Variants in CEP131 observed in about 807,000 individuals in gnomAD.
CEP131 encodes the protein centrosomal protein of 131 kDa.
A neutral mutation model predicts 136.8 loss-of-function variants in CEP131; 99 were observed. The observed-to-expected ratio is 0.72, with a 90% CI of 0.62 to 0.86. CEP131 has a LOEUF of 0.86. CEP131 is among the 40% of genes least tolerant of loss of function. The probability of loss-of-function intolerance (pLI) is 0.00; values close to 1 mark genes in which losing one functional copy is unlikely to be tolerated. For synonymous variants in CEP131, 646 were observed against 612.7 expected (o/e 1.05, Z -0.80); for missense variants, 1,459 against 1,463.0 (o/e 1.00, Z 0.04).
At chr17:81,213,553 T>C (rs895250624) in intron 2 of CEP131, among the ~76,000 whole-genome samples, 1 of 132,588 alleles carries the variant, frequency 7.5e-6, no homozygotes, top group Non-Finnish European at 1.6e-5. Flanking sequence ...CGTGAGACAC[T>C]GTCTCAAAAA....
At chr17:81,207,000 A>T (rs1248694011) in intron 4 of CEP131, 125 bp downstream of exon 4, 16 of 1,519,916 alleles carry the variant, frequency 1.1e-5, no homozygotes, top group Non-Finnish European at 1.4e-5. Flanking sequence ...GGGGTCTGCC[A>T]TGTCAGATCT....
chr17:81,190,697 C>T lies in CEP131; in HGVS notation c.3049G>A (p.Ala1017Thr), dbSNP rs763456299. 1.9e-6 allele frequency: 3 copies of T among 1,606,594 alleles called. No homozygotes were observed. The highest frequency in any genetic ancestry group is 2.2e-5 in the East Asian group (1 of 44,662). ...ASEEETRQAK[A>T]ELATLQARQQ... ...CGGGCCTGCAGCGTGGCCAGCTCGG[C>T]CTTGGCCTGCCGCGTCTCCTCCTCA... is the stretch of plus-strand genomic sequence containing the variant. Residue 1017 changes from alanine (A) to threonine (T), a missense_variant, in exon 24 of 26, where the codon GCC becomes ACC. By Grantham distance (58) the Ala-to-Thr change is moderately conservative. Transcript: ENST00000450824.
Position 81,195,932 on chromosome 17 carries a change from A to G in CEP131, c.1919T>C (p.Val640Ala). The change falls in exon 16 of 26, where the codon GTC becomes GCC. Residue 640 changes from valine to alanine, a missense_variant. Coordinates refer to ENST00000450824, the MANE Select transcript of CEP131 (RefSeq NM_014984.4). ...CACAGCCTCGCACTTTTCACTCAGG[A>G]CCTTCTTGTCCTCAATCAGCTGTGT... ...FIDQLIEDKK[V>A]LSEKCEAVVA... The G allele has an allele frequency of 6.2e-7, 1 of 1,609,736 alleles. No individual in the cohort carries two copies. The highest frequency in any genetic ancestry group is 1.3e-5 in the African/African-American group (1 of 75,028).
At chr17:81,205,352 C>G (rs1038574245) in intron 5 of CEP131, among the ~76,000 whole-genome samples, 2 of 135,546 alleles carry the variant, frequency 1.5e-5, no homozygotes, top group Non-Finnish European at 3.2e-5. Flanking sequence ...GGAGGGGCGG[C>G]AAGAGTGTGG....
At chr17:81,207,375 C>T in intron 3 of CEP131, 136 bp from the exon 4 acceptor site, 8 of 750,028 alleles carry the variant, frequency 1.1e-5, no homozygotes, top group Middle Eastern at 3.6e-4. Context: ...AGGCCCAAAG[C>T]CCCCATCTGA....
At position 81,197,786 on chromosome 17, in the gene CEP131, T is replaced by A. The variant is rs374183528; in HGVS notation, c.1573A>T (p.Lys525Ter). Residue 525 changes from lysine (K) to a stop codon, truncating the protein, a stop_gained, in exon 13 of 26, where the codon AAG becomes TAG. Transcript: ENST00000450824. LOFTEE classifies it high-confidence loss of function. ...AAGAAGCTCATGATGCTTTGTAGCT[T>A]GGCCTCCGATAGCAGCGTCCCATCC... ...PEDGTLLSEA[K>*]LQSIMSFLDE... is the part of the protein sequence containing the mutation. The A allele has an allele frequency of 2.3e-5, 37 of 1,613,172 alleles. No homozygotes were observed. Among genetic ancestry groups the A allele is most frequent in the Non-Finnish European group, 3.1e-5 (36 of 1,179,952 alleles).
At chr17:81,201,546 ATGT>A (rs930993184) in intron 7 of CEP131, among the ~76,000 whole-genome samples, 4 of 152,184 alleles carry the variant, frequency 2.6e-5, no homozygotes, top group East Asian at 1.9e-4. Context: ...TTTGCCTTTA[ATGT>A]TGTTTTAATT....
chr17:81,221,844 C>T (rs1460181885), intron 1 of CEP131, among the ~76,000 whole-genome samples: 1 of 152,190 alleles, frequency 6.6e-6, no homozygotes, highest in Non-Finnish European at 1.5e-5. Context: ...CTCCCTGCCA[C>T]GGTGGCCTCC....
chr17:81,196,446 G>A (rs1409153262), intron 15 of CEP131, among the ~76,000 whole-genome samples: 2 of 152,364 alleles, frequency 1.3e-5, no homozygotes, highest in East Asian at 1.9e-4. Flanking sequence ...GCCAACCGGG[G>A]CTGCGACTGA....
rs747724701 is a variant in CEP131, at chr17:81,192,463, T to C, written c.2547+13A>G. 2.5e-6 allele frequency: 4 copies of C among 1,611,836 alleles called. No homozygotes were observed. The South Asian group carries it at 4.4e-5, about 18-fold the overall frequency. On this transcript the variant is annotated intron_variant, in intron 20 of 25. Coordinates refer to ENST00000450824, the MANE Select transcript of CEP131 (RefSeq NM_014984.4). ...CCCCTGGCCAGGCCCAGCACAGCCC[T>C]CCGGTGGTAGACCTGGTGCCGGCGC...
In CEP131 at chr17:81,191,430, A is replaced by C. The variant is rs1390255597; in HGVS notation, c.2623-95T>G. 3 of 1,214,680 alleles carry C rather than the reference A, an allele frequency of 2.5e-6. No homozygotes were observed. In the East Asian group the frequency reaches 7.0e-5, roughly 28 times the overall value. The allele number at this position is 1,214,680 out of a possible 1,614,324, so 75.2% of individuals were successfully genotyped here. ...GGGTCCTGGGGGGCTCCAGGCTCTG[A>C]GCCACAGGGGAGCAAGGGGCCTTCC... On this transcript the variant is annotated intron_variant, in intron 21 of 25. Transcript: ENST00000450824.
In CEP131 at chr17:81,197,046, GCACC is replaced by G. The variant is rs1567855825; in HGVS notation, c.1653_1656del (p.Trp551CysfsTer15). 1 of 1,587,208 alleles carries G rather than the reference GCACC, an allele frequency of 6.3e-7. No homozygotes were observed. The highest frequency in any genetic ancestry group is 1.1e-5 in the South Asian group (1 of 87,612). On this transcript the variant is annotated frameshift_variant, in exon 14 of 26. Transcript: ENST00000450824. LOFTEE classifies it high-confidence loss of function. Reference sequence around the variant, plus strand: ...TCCAGGGGCCCCGGCCCCGCCTCCGGCACCCACCCCTGCAGACACAGCCGAGCGT... The same window carrying G: ...TCCAGGGGCCCCGGCCCCGCCTCCGGCACCCCTGCAGACACAGCCGAGCGT...
At chr17:81,218,463 C>T (rs879633539) in intron 2 of CEP131, among the ~76,000 whole-genome samples, 16 of 152,232 alleles carry the variant, frequency 1.1e-4, no homozygotes, top group Middle Eastern at 3.2e-3. Context: ...AGCAGGGCTG[C>T]GGACAGGAGA....
At chr17:81,211,006 C>A (rs963835732) in intron 2 of CEP131, among the ~76,000 whole-genome samples, 1 of 151,958 alleles carries the variant, frequency 6.6e-6, no homozygotes, top group African/African-American at 2.4e-5. Flanking sequence ...GGAGGCCAGA[C>A]AGAGGCCACT....
Position 81,190,769 on chromosome 17 carries a change from G to A in CEP131, c.2977C>T (p.Leu993=), listed in dbSNP as rs199940485. The change falls in exon 24 of 26, where the codon CTG becomes TTG. Residue 993 remains leucine, a synonymous_variant. Transcript: ENST00000450824. ...AACTCCTGGCGGATCACCTGGGCCA[G>A]GTTGCTGCGCTCGCTAGAAAGCTGC... ...NEQLSSERSN[L]AQVIRQEFED... 3.1e-5 allele frequency: 50 copies of A among 1,611,928 alleles called. No homozygotes were observed. The highest frequency in any genetic ancestry group is 4.2e-5 in the Non-Finnish European group (49 of 1,179,496).
intron 16 of CEP131, among the ~76,000 whole-genome samples, chr17:81,195,596 G>A (rs926680598): frequency 2.0e-5 from 3 of 152,074 alleles, no homozygotes; most frequent in Admixed American, 6.5e-5. Context: ...GGGACTGTGC[G>A]TCCACATCTG....
chr17:81,207,016 T>TG (rs2062022217), intron 4 of CEP131, 109 bp downstream of exon 4: 1 of 1,516,468 alleles, frequency 6.6e-7, no homozygotes, highest in South Asian at 1.3e-5. Context: ...GATCTAAGCT[T>TG]GACACCCTCC....
At chr17:81,202,929 A>C (rs2061925659) in intron 6 of CEP131, among the ~76,000 whole-genome samples, 1 of 151,500 alleles carries the variant, frequency 6.6e-6, no homozygotes, top group African/African-American at 2.4e-5. Context: ...ATGCCACTGC[A>C]CTCCAGCCTG....
At chr17:81,199,951 C>A in intron 8 of CEP131, 116 bp from the exon 9 acceptor site, 1 of 1,039,630 alleles carries the variant, frequency 9.6e-7, no homozygotes, top group South Asian at 1.3e-5. Flanking sequence ...AATCTCAGGG[C>A]CAGCAGGGAA....
Sources: gnomAD v4.1 joint callset for allele counts (sites outside exome capture counted in the v4.1 genomes callset) on GRCh38, gnomAD v4.1.1 for gene constraint, MANE v1.5 for transcripts, NCBI Gene and HGNC (gene_info 2026-07-23, HGNC 2026-07-21) for gene names.